Variants in RALGPS1 observed in about 807,000 individuals in gnomAD.
The protein encoded by RALGPS1 is ras-specific guanine nucleotide-releasing factor RalGPS1.
Under a neutral mutation model 78.8 loss-of-function variants are expected in RALGPS1, and 19 were observed. The observed-to-expected ratio is 0.24, with a 90% CI of 0.17 to 0.35. The LOEUF (loss-of-function observed/expected upper bound fraction) is 0.35. Ranked by LOEUF, RALGPS1 falls within the 10% of genes least tolerant of loss-of-function variation. RALGPS1 has a pLI of 1.00. For synonymous variants in RALGPS1, 228 were observed against 256.3 expected (o/e 0.89, Z 1.06); for missense variants, 454 against 688.3 (o/e 0.66, Z 3.81).
intron 1 of RALGPS1, among the ~76,000 whole-genome samples, chr9:126,943,718 C>A (rs190196526): frequency 6.6e-6 from 1 of 152,082 alleles, no homozygotes; most frequent in Non-Finnish European, 1.5e-5. Flanking sequence ...TTTCTCCTAC[C>A]GCTGCCTGGA....
At chr9:126,996,824 C>G (rs1211043406) in intron 4 of RALGPS1, among the ~76,000 whole-genome samples, 1 of 152,186 alleles carries the variant, frequency 6.6e-6, no homozygotes, top group Non-Finnish European at 1.5e-5. Flanking sequence ...CATCAAAAAG[C>G]TTATCCACCA....
intron 8 of RALGPS1, among the ~76,000 whole-genome samples, chr9:127,146,044 G>A (rs895677596): frequency 2.0e-5 from 3 of 152,302 alleles, no homozygotes; most frequent in Non-Finnish European, 2.9e-5. Flanking sequence ...TGGAGAACAC[G>A]GTGGATTCTC....
rs778577203 is a variant in RALGPS1 at position 127,205,286 on chromosome 9, G to A, written c.1247+6220G>A. 6.6e-6 allele frequency among the ~76,000 whole-genome samples: 1 copy of A among 152,182 alleles called. No individual in the cohort carries two copies. Among genetic ancestry groups the A allele is most frequent in the Non-Finnish European group, 1.5e-5 (1 of 68,032 alleles). On this transcript the variant is annotated intron_variant, in intron 14 of 18. Coordinates refer to ENST00000259351, the MANE Select transcript of RALGPS1 (RefSeq NM_014636.3). The surrounding 1 kb of genome is among the most constrained non-coding windows in gnomAD (Gnocchi z 4.0). ...GGCCCCCCGTCGAGGGATCACTAGGGTTCTCTTCACCAAATGTCCTCTGGG... is the reference window on the plus strand; with the variant it reads ...GGCCCCCCGTCGAGGGATCACTAGGATTCTCTTCACCAAATGTCCTCTGGG...
At chr9:127,157,262 G>A (rs2058751789) in intron 8 of RALGPS1, among the ~76,000 whole-genome samples, 1 of 151,980 alleles carries the variant, frequency 6.6e-6, no homozygotes, top group South Asian at 2.1e-4. Context: ...GCAATGTTGT[G>A]TCTTCCCATC....
chr9:127,107,199 A>G (rs1564591314), intron 8 of RALGPS1: 1 of 152,244 alleles, frequency 6.6e-6, no homozygotes, highest in Non-Finnish European at 1.5e-5. Context: ...CAAGTTATTC[A>G]TCCTGTCCGC....
intron 4 of RALGPS1, among the ~76,000 whole-genome samples, chr9:126,996,244 C>A (rs2042743037): frequency 6.6e-6 from 1 of 152,114 alleles, no homozygotes; most frequent in African/African-American, 2.4e-5. Flanking sequence ...AATCCAGGAG[C>A]TGGTTTTTTT....
intron 11 of RALGPS1, chr9:127,178,449 C>T: frequency 9.8e-7 from 1 of 1,023,144 alleles, no homozygotes; most frequent in Non-Finnish European, 1.2e-6. Context: ...GTTATTAGCA[C>T]AGTGCGCAAC....
chr9:127,052,348 G>A (rs549893794), intron 6 of RALGPS1, among the ~76,000 whole-genome samples: 1 of 152,346 alleles, frequency 6.6e-6, no homozygotes, highest in East Asian at 1.9e-4. Flanking sequence ...GAATCCAAAT[G>A]TTCTCACTAA....
intron 8 of RALGPS1, among the ~76,000 whole-genome samples, chr9:127,098,129 A>C (rs919347040): frequency 1.3e-5 from 2 of 152,232 alleles, no homozygotes; most frequent in African/African-American, 2.4e-5. Context: ...TAAATGTAAG[A>C]TATTTACCAG....
At chr9:127,161,732 C>T (rs779706503) in intron 8 of RALGPS1, among the ~76,000 whole-genome samples, 45 of 152,202 alleles carry the variant, frequency 3.0e-4, no homozygotes, top group Non-Finnish European at 5.3e-4. Context: ...ACCTATGCCC[C>T]TATCTTGCCT....
At chr9:127,147,870 G>A (rs1349178429) in intron 8 of RALGPS1, among the ~76,000 whole-genome samples, 5 of 152,116 alleles carry the variant, frequency 3.3e-5, no homozygotes, top group Non-Finnish European at 5.9e-5. Context: ...AGGCATTCAC[G>A]AAAACTCTGA....
At chr9:127,013,128 C>T (rs181570405) in intron 4 of RALGPS1, among the ~76,000 whole-genome samples, 40 of 152,232 alleles carry the variant, frequency 2.6e-4, no homozygotes, top group Admixed American at 1.7e-3. Flanking sequence ...GTACCAGGAA[C>T]AGCTTGAACA....
At chr9:126,923,766 C>G (rs1274451208) in intron 1 of RALGPS1, among the ~76,000 whole-genome samples, 1 of 152,170 alleles carries the variant, frequency 6.6e-6, no homozygotes, top group Non-Finnish European at 1.5e-5. Context: ...AGCTCATGGC[C>G]TCAAGCGATC....
chr9:127,128,728 G>A (rs1338410376), intron 8 of RALGPS1, among the ~76,000 whole-genome samples: 2 of 152,190 alleles, frequency 1.3e-5, no homozygotes, highest in African/African-American at 2.4e-5. Flanking sequence ...GCACCATGCC[G>A]GGTGGGGGAA....
At position 127,132,549 on chromosome 9, in the gene RALGPS1, A is replaced by G. The variant is rs117357264; in HGVS notation, c.611-33520A>G. On this transcript the variant is annotated intron_variant, in intron 8 of 18. Coordinates refer to ENST00000259351, the MANE Select transcript of RALGPS1 (RefSeq NM_014636.3). Reference sequence around the variant, plus strand: ...GCCACCTCATTGCCTTTGGGTCTCCAGTGCCCAGCACAGTGCTTGACACAC... The same window carrying G: ...GCCACCTCATTGCCTTTGGGTCTCCGGTGCCCAGCACAGTGCTTGACACAC... Among the ~76,000 whole-genome samples, 565 of 152,328 alleles carry G rather than the reference A, an allele frequency of 3.7e-3. 1 individual carries two copies. Among genetic ancestry groups the G allele is most frequent in the Non-Finnish European group, 5.8e-3 (393 of 68,022 alleles).
intron 8 of RALGPS1, among the ~76,000 whole-genome samples, chr9:127,077,753 C>T (rs2050802937): frequency 6.6e-6 from 1 of 152,138 alleles, no homozygotes; most frequent in Non-Finnish European, 1.5e-5. Context: ...TCATTTGTTC[C>T]ACAGATCCAT....
intron 14 of RALGPS1, among the ~76,000 whole-genome samples, chr9:127,210,320 C>A (rs2062172732): frequency 6.6e-6 from 1 of 152,254 alleles, no homozygotes; most frequent in Non-Finnish European, 1.5e-5. Flanking sequence ...GTGCACTTTT[C>A]ACGTGGACTT....
chr9:126,979,886 A>G (rs10987534), intron 4 of RALGPS1, among the ~76,000 whole-genome samples: 26,339 of 152,104 alleles, frequency 0.17, 2,996 homozygotes, highest in East Asian at 0.44. Flanking sequence ...CCCCTCCCCA[A>G]CACTCCCCCA....
chr9:126,986,601 G>T (rs536645043), intron 4 of RALGPS1, among the ~76,000 whole-genome samples: 2 of 152,350 alleles, frequency 1.3e-5, no homozygotes, highest in South Asian at 4.1e-4. Flanking sequence ...AGTTGAAGGC[G>T]CAGCAGTGTC....
Sources: allele counts gnomAD v4.1 joint callset (sites outside exome capture counted in the v4.1 genomes callset), GRCh38; gene constraint gnomAD v4.1.1; non-coding constraint Gnocchi (gnomAD v3.1); transcripts MANE v1.5; gene names NCBI Gene and HGNC (gene_info 2026-07-23, HGNC 2026-07-21).